Variants in PCDHGB2 observed in about 807,000 individuals in gnomAD.
The protein encoded by PCDHGB2 is protocadherin gamma subfamily B, 2, also known as protocadherin gamma-B2.
Under a neutral mutation model 59.3 loss-of-function variants are expected in PCDHGB2, and 55 were observed. The observed-to-expected ratio is 0.93, with a 90% confidence interval of 0.75 to 1.16. The LOEUF (loss-of-function observed/expected upper bound fraction) is 1.16, where lower values mean the gene tolerates loss of function less well. PCDHGB2 is among the 50% of genes most tolerant of loss of function. PCDHGB2 has a pLI of 0.00. For synonymous variants in PCDHGB2, 516 were observed against 512.0 expected (o/e 1.01, Z -0.11); for missense variants, 1,228 against 1,198.5 (o/e 1.02, Z -0.36).
intron 1 of PCDHGB2, chr5:141,378,405 C>T (rs1250518150): frequency 2.0e-5 from 3 of 152,298 alleles, no homozygotes; most frequent in Non-Finnish European, 4.4e-5. Context: ...GGCCTGTAAT[C>T]GCAGCTACTC....
Position 141,453,588 on chromosome 5 carries a change from CTG to C in PCDHGB2, c.2422-41215_2422-41214del, listed in dbSNP as rs572244169. ...TTCATTAGTTTGTGGTTTATCCTCA[CTG>C]TGTTTCTTTTTGCAAAACGCAAAAA... On this transcript the variant is annotated intron_variant, in intron 1 of 3. Coordinates refer to ENST00000522605, the MANE Select transcript of PCDHGB2 (RefSeq NM_018923.3). Among the ~76,000 whole-genome samples the C allele has an allele frequency of 5.9e-5, 9 of 152,296 alleles. No individual in the cohort carries two copies. In the South Asian group the frequency reaches 1.5e-3, roughly 25 times the overall value.
intron 2 of PCDHGB2, among the ~76,000 whole-genome samples, chr5:141,501,009 C>T (rs2099804715): frequency 2.0e-5 from 3 of 152,040 alleles, no homozygotes; most frequent in Non-Finnish European, 4.4e-5. Context: ...GCTGGGACTA[C>T]AGGCACGCGC....
rs745712262 is a variant in PCDHGB2, at chr5:141,362,463, C to G, written c.2328C>G (p.Pro776=). 6.2e-7 allele frequency: 1 copy of G among 1,613,916 alleles called. No individual in the cohort carries two copies. Among genetic ancestry groups the G allele is most frequent in the Non-Finnish European group, 8.5e-7 (1 of 1,179,902 alleles). ...NFLNITPELV[P]AQDLVCDNAS... is the part of the protein sequence containing the mutation. ...TGAACATAACCCCGGAATTGGTTCCCGCGCAAGATCTCGTCTGTGACAATG... is the reference window on the plus strand; with the variant it reads ...TGAACATAACCCCGGAATTGGTTCCGGCGCAAGATCTCGTCTGTGACAATG... The change falls in exon 1 of 4, where the codon CCC becomes CCG. Residue 776 remains proline, a synonymous_variant. Transcript: ENST00000522605.
chr5:141,440,931 C>G (rs2098213287), intron 1 of PCDHGB2: 1 of 152,186 alleles, frequency 6.6e-6, no homozygotes, highest in Non-Finnish European at 1.5e-5. Context: ...GTGAGGGCCA[C>G]CAACCAGGAC....
At chr5:141,398,857 C>A in intron 1 of PCDHGB2, 2 of 1,613,918 alleles carry the variant, frequency 1.2e-6, no homozygotes, top group Middle Eastern at 1.6e-4. Flanking sequence ...GGTATTCAAC[C>A]GAGACGTGTA....
In PCDHGB2 at chr5:141,432,872, C is replaced by A. The variant is rs73280906; in HGVS notation, c.2422-61935C>A. The stretch of plus-strand genomic sequence containing the variant: ...GGTGGCCGCGGTCTCCTGCGTCTTC[C>A]TGGCCTTCGTCATCTTGCTGCTGGC... On this transcript the variant is annotated intron_variant, in intron 1 of 3. Transcript: ENST00000522605. The surrounding 1 kb of genome is among the most constrained non-coding windows in gnomAD (Gnocchi z 6.0). 2,361 of 1,614,192 alleles carry A rather than the reference C, an allele frequency of 1.5e-3. 32 individuals carry two copies. In the African/African-American group the frequency reaches 0.028, roughly 19 times the overall value.
chr5:141,433,222 A>G, intron 1 of PCDHGB2: 6 of 1,519,556 alleles, frequency 3.9e-6, no homozygotes, highest in Non-Finnish European at 5.4e-6. Flanking sequence ...TTTTTTTTTA[A>G]TTGCTCTGTC....
At chr5:141,370,791 T>C (rs1354354873) in intron 1 of PCDHGB2, 2 of 1,614,022 alleles carry the variant, frequency 1.2e-6, no homozygotes, top group Non-Finnish European at 1.7e-6. Flanking sequence ...CCCACCGACC[T>C]TTAGCCAAAA....
rs1271293217 is a variant in PCDHGB2, at chr5:141,374,804, A to G, written c.2421+12248A>G. On this transcript the variant is annotated intron_variant, in intron 1 of 3. Transcript: ENST00000522605. ...TCTAGATGTGAATGACAACACTCCA[A>G]TGTTTACTCAGCCTGTCTACCGTGT... The G allele has an allele frequency of 6.8e-6, 11 of 1,613,854 alleles. No individual in the cohort carries two copies. In the East Asian group the frequency reaches 1.6e-4, roughly 23 times the overall value.
intron 1 of PCDHGB2, among the ~76,000 whole-genome samples, chr5:141,443,131 A>G (rs1042010214): frequency 7.2e-5 from 11 of 152,144 alleles, no homozygotes; most frequent in Non-Finnish European, 1.6e-4. Context: ...GATTAAGAAC[A>G]CTATCATAAG....
intron 1 of PCDHGB2, chr5:141,417,913 T>A (rs749352432): frequency 1.2e-6 from 2 of 1,601,944 alleles, no homozygotes; most frequent in African/African-American, 1.3e-5. Flanking sequence ...AGGTACTATT[T>A]CCTTTGCTGC....
intron 1 of PCDHGB2, among the ~76,000 whole-genome samples, chr5:141,386,999 C>T (rs2090777000): frequency 6.6e-6 from 1 of 152,224 alleles, no homozygotes; most frequent in Middle Eastern, 3.4e-3. Context: ...GTATTATCCC[C>T]CTGATAACTT....
intron 1 of PCDHGB2, chr5:141,399,416 C>T: frequency 6.2e-7 from 1 of 1,614,046 alleles, no homozygotes; most frequent in African/African-American, 1.3e-5. Context: ...CCCCTCTCCT[C>T]CAGCATAAGC....
intron 1 of PCDHGB2, chr5:141,404,204 T>A: frequency 6.2e-7 from 1 of 1,613,718 alleles, no homozygotes; most frequent in Non-Finnish European, 8.5e-7. Context: ...AGCCTCAGAA[T>A]ATAATATCAC....
chr5:141,490,597 C>T lies in PCDHGB2; in HGVS notation c.2422-4210C>T, dbSNP rs781077720. Reference sequence around the variant, plus strand: ...TTCAGATGTCAATGACAATGCACCCCGCTTCAACCAGCAGCTTTACACTGC... The same window carrying T: ...TTCAGATGTCAATGACAATGCACCCTGCTTCAACCAGCAGCTTTACACTGC... On this transcript the variant is annotated intron_variant, in intron 1 of 3. Coordinates refer to ENST00000522605, the MANE Select transcript of PCDHGB2 (RefSeq NM_018923.3). The surrounding 1 kb of genome is among the most constrained non-coding windows in gnomAD (Gnocchi z 5.4). The T allele has an allele frequency of 1.2e-5, 20 of 1,614,182 alleles. No homozygotes were observed. The highest frequency in any genetic ancestry group is 3.3e-5 in the Admixed American group (2 of 60,026).
chr5:141,494,855 G>C lies in PCDHGB2; in HGVS notation c.2470G>C (p.Gly824Arg), dbSNP rs200418116. The C allele has an allele frequency of 6.2e-7, 1 of 1,614,092 alleles. No homozygotes were observed. Among genetic ancestry groups the C allele is most frequent in the South Asian group, 1.1e-5 (1 of 91,072 alleles). ...DWRFSQAQRP[G>R]TSGSQNGDDT... is the part of the protein sequence containing the mutation. ...GCGTTTCTCTCAGGCCCAGAGACCC[G>C]GCACCAGCGGGTAGGTGACTGATTC... The change falls in exon 2 of 4, where the codon GGC (glycine) becomes CGC (arginine). Residue 824 changes from glycine (G) to arginine (R), a missense_variant. Transcript: ENST00000522605.
chr5:141,364,997 T>A, intron 1 of PCDHGB2: 1 of 1,613,852 alleles, frequency 6.2e-7, no homozygotes. Context: ...CCCGGTACTC[T>A]CCGGCACCAC....
rs867175585 is a variant in PCDHGB2, at chr5:141,376,626, G to A, written c.2421+14070G>A. 71 of 1,155,548 alleles carry A rather than the reference G, an allele frequency of 6.1e-5. 4 individuals carry two copies. In the Middle Eastern group the frequency reaches 4.6e-3, roughly 75 times the overall value. 71.6% of individuals were successfully genotyped at this position (1,155,548 alleles called of 1,614,324 possible). A position where few individuals can be genotyped will look rare whatever the true frequency, so the allele number is the denominator to read the frequency against. Reference sequence around the variant, plus strand: ...AAGCGAACCTCTTTTGGTACAGGAAGATTCGTGATTTTGTAAAGTGGAAGA... The same window carrying A: ...AAGCGAACCTCTTTTGGTACAGGAAAATTCGTGATTTTGTAAAGTGGAAGA... On this transcript the variant is annotated intron_variant, in intron 1 of 3. Transcript: ENST00000522605.
chr5:141,433,208 C>CA, intron 1 of PCDHGB2: 1 of 1,293,080 alleles, frequency 7.7e-7, no homozygotes, highest in Non-Finnish European at 1.1e-6. Context: ...AATCTTCTTT[C>CA]TTTTTTTTTT....
Sources: gnomAD v4.1 joint callset for allele counts (sites outside exome capture counted in the v4.1 genomes callset) on GRCh38, gnomAD v4.1.1 for gene constraint, Gnocchi (gnomAD v3.1) non-coding constraint, MANE v1.5 for transcripts, NCBI Gene and HGNC (gene_info 2026-07-23, HGNC 2026-07-21) for gene names.